The following CD226 variants were observed in gnomAD, a reference collection of about 807,000 sequenced individuals.
CD226 encodes CD226 molecule, also known as CD226 antigen.
In CD226, 24 loss-of-function variants were observed where a neutral mutation model predicts 34.9. The ratio of observed to expected loss-of-function variants is 0.69; its 90% CI spans 0.50 to 0.97. The LOEUF is 0.97. Ranked by LOEUF, CD226 falls within the 50% of genes least tolerant of loss-of-function variation. The pLI is 0.00. For synonymous variants in CD226, 148 were observed against 147.4 expected, an observed-to-expected ratio of 1.00 and a Z score of -0.03; for missense variants, 397 against 412.7, an observed-to-expected ratio of 0.96 and a Z score of 0.33.
chr18:69,959,762 G>A (rs529734408), upstream of CD226, among the ~76,000 whole-genome samples: 43 of 152,258 alleles, frequency 2.8e-4, no homozygotes, highest in African/African-American at 9.6e-4. Context: ...ATGATGAAAC[G>A]TGCTGCTGAC....
chr18:69,890,459 T>A (rs1392521847), intron 3 of CD226, among the ~76,000 whole-genome samples: 7 of 151,834 alleles, frequency 4.6e-5, no homozygotes, highest in South Asian at 2.1e-4. Flanking sequence ...TCTCAAAAAA[T>A]AAATAAATAA....
chr18:69,956,058 C>A (rs1263665726), intron 1 of CD226, among the ~76,000 whole-genome samples: 1 of 152,134 alleles, frequency 6.6e-6, no homozygotes, highest in Non-Finnish European at 1.5e-5. Flanking sequence ...ACCAGTAGAA[C>A]CCCACTTCCA....
intron 5 of CD226, 111 bp downstream of exon 5, chr18:69,867,246 T>C: frequency 1.5e-6 from 1 of 685,188 alleles, no homozygotes; most frequent in South Asian, 1.9e-5. Flanking sequence ...GGCAACTGCA[T>C]GGTCAGGTTA....
chr18:69,944,293 C>T (rs2055762793), intron 2 of CD226, among the ~76,000 whole-genome samples: 1 of 152,116 alleles, frequency 6.6e-6, no homozygotes, highest in South Asian at 2.1e-4. Context: ...AGAATTCAAA[C>T]TAGACGGACA....
chr18:69,918,717 G>A (rs1284310122), intron 2 of CD226, among the ~76,000 whole-genome samples: 1 of 152,192 alleles, frequency 6.6e-6, no homozygotes, highest in African/African-American at 2.4e-5. Flanking sequence ...CAGGGACACA[G>A]TAGGAAAGGA....
upstream of CD226, among the ~76,000 whole-genome samples, chr18:69,948,655 T>G (rs1352779725): frequency 6.6e-6 from 1 of 152,220 alleles, no homozygotes; most frequent in Admixed American, 6.5e-5. Flanking sequence ...TGGCATTATA[T>G]TTTCTAAAAG....
At chr18:69,868,653 T>C (rs1201308920) in intron 4 of CD226, among the ~76,000 whole-genome samples, 1 of 152,240 alleles carries the variant, frequency 6.6e-6, no homozygotes, top group Non-Finnish European at 1.5e-5. Context: ...GCTATTATTA[T>C]CCTCATTTTA....
chr18:69,902,766 A>C (rs1010729874), intron 2 of CD226, among the ~76,000 whole-genome samples: 1 of 151,966 alleles, frequency 6.6e-6, no homozygotes, highest in Non-Finnish European at 1.5e-5. Context: ...GATGCTTCAA[A>C]TAGACTAAAA....
intron 2 of CD226, among the ~76,000 whole-genome samples, chr18:69,919,097 T>C (rs1434235892): frequency 6.6e-6 from 1 of 152,142 alleles, no homozygotes; most frequent in African/African-American, 2.4e-5. Context: ...CGAAAGGAAA[T>C]AAATGGCAAA....
At chr18:69,951,264 C>T (rs73466710), upstream of CD226, among the ~76,000 whole-genome samples, 1,025 of 152,108 alleles carry the variant, frequency 6.7e-3, 3 homozygotes, top group Middle Eastern at 0.01. Flanking sequence ...GGGCATGATC[C>T]ACCATGCCCA....
At chr18:69,933,467 G>GAA in intron 2 of CD226, among the ~76,000 whole-genome samples, 1 of 152,076 alleles carries the variant, frequency 6.6e-6, no homozygotes, top group African/African-American at 2.4e-5. Context: ...ATATTTCCAG[G>GAA]CCATGGTTTC....
At chr18:69,871,441 T>C (rs925738874) in intron 4 of CD226, among the ~76,000 whole-genome samples, 1 of 152,168 alleles carries the variant, frequency 6.6e-6, no homozygotes, top group Non-Finnish European at 1.5e-5. Context: ...TACCAAATGC[T>C]AAAAAATGAA....
At chr18:69,923,846 T>C (rs926926681) in intron 2 of CD226, among the ~76,000 whole-genome samples, 1 of 150,162 alleles carries the variant, frequency 6.7e-6, no homozygotes, top group African/African-American at 2.5e-5. Context: ...CCCAGCTACT[T>C]GGGAGGCTGA....
At chr18:69,946,180 C>CAAAAAAAAAAAAAAAAAAAAA (rs60750165) in intron 2 of CD226, among the ~76,000 whole-genome samples, 2 of 66,376 alleles carry the variant, frequency 3.0e-5, no homozygotes, top group African/African-American at 7.3e-5. Flanking sequence ...AAGACTCCAT[C>CAAAAAAAAAAAAAAAAAAAAA]AAAAAAAAAA....
In CD226 at chr18:69,862,302, A is replaced by G. The variant is rs1982870699; in HGVS notation, c.*2012T>C. 3 of 152,212 alleles carry G rather than the reference A, an allele frequency of 2.0e-5. No individual in the cohort carries two copies. Among genetic ancestry groups the G allele is most frequent in the Admixed American group, 1.3e-4 (2 of 15,288 alleles). The allele number at this position is 152,212 out of a possible 1,614,324, so 9.4% of individuals were successfully genotyped here. ...GAATTTGGTTATTGGAGTTTTCCAG[A>G]AAGTAATATTTTGATTGTCTTTACC... is the stretch of plus-strand genomic sequence containing the variant. On this transcript the variant is annotated 3_prime_UTR_variant, in exon 6 of 6. Coordinates refer to ENST00000582621, the MANE Select transcript of CD226 (RefSeq NM_001303618.2).
intron 3 of CD226, among the ~76,000 whole-genome samples, chr18:69,875,944 C>T (rs901411563): frequency 6.6e-5 from 10 of 152,070 alleles, no homozygotes; most frequent in African/African-American, 1.9e-4. Context: ...CTAAAGGGTA[C>T]CAACTTTTGG....
intron 1 of CD226, among the ~76,000 whole-genome samples, chr18:69,955,859 T>C (rs1174269177): frequency 1.2e-4 from 2 of 17,268 alleles, no homozygotes; most frequent in African/African-American, 1.6e-4. Context: ...CGAGACTCCA[T>C]CTCAAAAAAA....
At chr18:69,899,491 G>T (rs1479220690) in intron 2 of CD226, among the ~76,000 whole-genome samples, 1 of 152,168 alleles carries the variant, frequency 6.6e-6, no homozygotes, top group Admixed American at 6.5e-5. Flanking sequence ...TAAAAAATTT[G>T]CCAACCTAAA....
chr18:69,957,738 A>G (rs964542119), upstream of CD226, among the ~76,000 whole-genome samples: 2 of 152,150 alleles, frequency 1.3e-5, no homozygotes, highest in Non-Finnish European at 2.9e-5. Context: ...AGAAAGTGCA[A>G]TACTGCCTCT....
Sources: allele counts gnomAD v4.1 joint callset (sites outside exome capture counted in the v4.1 genomes callset), GRCh38; gene constraint gnomAD v4.1.1; transcripts MANE v1.5; gene names NCBI Gene and HGNC (gene_info 2026-07-23, HGNC 2026-07-21).